ZNF185: variants seen among roughly 807,000 people sequenced by gnomAD.
The protein encoded by ZNF185 is zinc finger protein 185 with LIM domain.
In ZNF185, 56 loss-of-function variants were observed where a neutral mutation model predicts 58.6. That is an observed-to-expected ratio of 0.95 (90% confidence interval 0.77 to 1.19). ZNF185 has a LOEUF of 1.19. Ranked by LOEUF, ZNF185 falls within the 50% of genes most tolerant of loss-of-function variation. The probability of loss-of-function intolerance (pLI) is 0.00; values close to 1 mark genes in which losing one functional copy is unlikely to be tolerated. For missense variants in ZNF185, 627 were observed against 573.5 expected, an observed-to-expected ratio of 1.09 and a Z score of -0.95; for synonymous variants, 230 against 215.9, an observed-to-expected ratio of 1.07 and a Z score of -0.57.
intron 16 of ZNF185, among the ~76,000 whole-genome samples, chrX:152,956,616 G>A (rs1361283716): frequency 9.0e-6 from 1 of 111,660 alleles, no homozygotes; most frequent in East Asian, 2.8e-4. Flanking sequence ...GCATGCACCT[G>A]TAATCCCAGC....
exon 12 of ZNF185, chrX:152,928,638 G>A: frequency 8.3e-7 from 1 of 1,211,623 alleles, no homozygotes; most frequent in Non-Finnish European, 1.1e-6. Context: ...TCCGCCTGGT[G>A]GCCCCAGACG....
Position 152,920,619 on chromosome X carries a change from G to A in ZNF185, c.615-88G>A, listed in dbSNP as rs1460379851. The A allele has an allele frequency of 3.0e-5, 34 of 1,132,560 alleles. 1 individual carries two copies. Among genetic ancestry groups the A allele is most frequent in the Non-Finnish European group, 3.5e-5 (29 of 827,848 alleles). The allele number at this position is 1,132,560 out of a possible 1,213,427, so 93.3% of individuals were successfully genotyped here. A position where few individuals can be genotyped will look rare whatever the true frequency, so the allele number is the denominator to read the frequency against. ...GACAGTGAAGTGCCGGGAATGGAGA[G>A]GGCCCAGGACCCTCTGAGGTAGAGC... On this transcript the variant is annotated intron_variant, in intron 8 of 22. Coordinates refer to ENST00000449285, the Ensembl canonical transcript of ZNF185.
At chrX:152,955,890 G>A (rs1569513918) in intron 16 of ZNF185, among the ~76,000 whole-genome samples, 2 of 105,316 alleles carry the variant, frequency 1.9e-5, no homozygotes, top group Non-Finnish European at 3.9e-5. Flanking sequence ...GACAGAGCGA[G>A]ACTCCACCTA....
intron 12 of ZNF185, among the ~76,000 whole-genome samples, chrX:152,931,029 G>A (rs1941865016): frequency 1.8e-5 from 2 of 111,686 alleles, no homozygotes; most frequent in South Asian, 7.5e-4. Context: ...TTGCTCATCT[G>A]AAAGATGGGC....
chrX:152,938,569 A>G (rs942656577), intron 15 of ZNF185, among the ~76,000 whole-genome samples: 1 of 111,103 alleles, frequency 9.0e-6, no homozygotes, highest in South Asian at 3.8e-4. Context: ...TGGGGACTGT[A>G]TGTAGCTGGA....
At chrX:152,908,725 C>G in the ZNF185 span, among the ~76,000 whole-genome samples, 6 of 113,309 alleles carry the variant, frequency 5.3e-5, no homozygotes, top group African/African-American at 1.9e-4. Flanking sequence ...TCGAGGCCGT[C>G]GTGCATGGGC....
chrX:152,941,876 G>A, intron 15 of ZNF185: 1 of 1,091,258 alleles, frequency 9.2e-7, no homozygotes, highest in Non-Finnish European at 1.2e-6. Flanking sequence ...GTGACCGCGC[G>A]TGGACCGTCG....
At chrX:152,937,998 C>A in intron 14 of ZNF185, 76 bp from the exon 17 acceptor site, 1 of 995,211 alleles carries the variant, frequency 1.0e-6, no homozygotes, top group South Asian at 2.2e-5. Flanking sequence ...GGTGAGAAGG[C>A]AGCCTGGAGG....
chrX:152,906,577 C>A, the ZNF185 span, among the ~76,000 whole-genome samples: 10 of 112,889 alleles, frequency 8.9e-5, no homozygotes, highest in African/African-American at 3.2e-4. Context: ...GGGCTGTGTC[C>A]CCCTTCTTGC....
chrX:152,922,763 G>T lies in ZNF185; in HGVS notation c.784G>T (p.Glu262Ter). Residue 262 changes from glutamate (E) to a stop codon, truncating the protein, a stop_gained, in exon 11 of 23, where the codon GAG becomes TAG. Coordinates refer to ENST00000449285, the Ensembl canonical transcript of ZNF185. LOFTEE classifies it high-confidence loss of function. ...CAAAGCGTCTCGGGCAATTTGGATC[G>T]AGTGCCTGCCAAGTATGCCTAGCCC... The T allele has an allele frequency of 8.3e-7, 1 of 1,201,503 alleles. No homozygotes were observed. The highest frequency in any genetic ancestry group is 1.1e-6 in the Non-Finnish European group (1 of 890,414).
upstream of ZNF185, among the ~76,000 whole-genome samples, chrX:152,913,501 G>A (rs67858622): frequency 0.12 from 13,381 of 112,416 alleles, 690 homozygotes; most frequent in African/African-American, 0.19. Flanking sequence ...TGGGCAGCAT[G>A]AGCAGCACCG....
At chrX:152,964,018 G>C (rs1424440740) in intron 18 of ZNF185, 69 bp downstream of exon 20, 1 of 1,058,502 alleles carries the variant, frequency 9.4e-7, no homozygotes, top group Non-Finnish European at 1.3e-6. Context: ...TAAAGGACTT[G>C]GCTTTTGTTC....
the ZNF185 span, among the ~76,000 whole-genome samples, chrX:152,906,889 G>A: frequency 9.0e-6 from 1 of 110,869 alleles, no homozygotes; most frequent in African/African-American, 3.3e-5. Flanking sequence ...TCATCCATGA[G>A]CAGCGATATT....
At chrX:152,904,514 A>T in the ZNF185 span, among the ~76,000 whole-genome samples, 1 of 112,355 alleles carries the variant, frequency 8.9e-6, no homozygotes, top group Non-Finnish European at 1.9e-5. Flanking sequence ...TGGCCACAGG[A>T]GGCTGCTTCA....
intron 16 of ZNF185, among the ~76,000 whole-genome samples, chrX:152,949,243 G>A (rs782074126): frequency 8.9e-6 from 1 of 112,322 alleles, no homozygotes; most frequent in African/African-American, 3.2e-5. Context: ...AGCTGACAAG[G>A]GCACCTGAGG....
chrX:152,948,491 G>A (rs12387770), intron 16 of ZNF185, among the ~76,000 whole-genome samples: 3,586 of 111,581 alleles, frequency 0.032, 139 homozygotes, highest in African/African-American at 0.11. Flanking sequence ...CTCATGAATT[G>A]CCCTGGTCGA....
At chrX:152,963,611 G>A (rs782719565) in intron 17 of ZNF185, among the ~76,000 whole-genome samples, 5 of 112,145 alleles carry the variant, frequency 4.5e-5, no homozygotes, top group Non-Finnish European at 9.4e-5. Flanking sequence ...AGTACTGAGT[G>A]GACACTGGAA....
chrX:152,951,579 TAC>T (rs782561830), intron 16 of ZNF185, among the ~76,000 whole-genome samples: 2 of 111,620 alleles, frequency 1.8e-5, no homozygotes, highest in Non-Finnish European at 3.8e-5. Context: ...TATATATATA[TAC>T]ACACACACTT....
At chrX:152,906,105 T>A in the ZNF185 span, among the ~76,000 whole-genome samples, 1 of 112,551 alleles carries the variant, frequency 8.9e-6, no homozygotes, top group Admixed American at 9.3e-5. Context: ...AGAAAGGATT[T>A]GCCCAGGGCA....
Sources: allele counts gnomAD v4.1 joint callset (sites outside exome capture counted in the v4.1 genomes callset), GRCh38; gene constraint gnomAD v4.1.1; transcripts MANE v1.5; gene names NCBI Gene and HGNC (gene_info 2026-07-23, HGNC 2026-07-21).